MPO: variants seen among roughly 807,000 people sequenced by gnomAD.
MPO encodes the protein myeloperoxidase.
A neutral mutation model predicts 69.4 loss-of-function variants in MPO; 57 were observed. That is an observed-to-expected ratio of 0.82 (90% CI 0.66 to 1.02). MPO has a LOEUF of 1.02. Ranked by LOEUF, MPO falls within the 50% of genes least tolerant of loss-of-function variation. MPO has a pLI of 0.00. For missense variants in MPO, 971 were observed against 1,014.1 expected (o/e 0.96, Z 0.58); for synonymous variants, 426 against 417.1 (o/e 1.02, Z -0.26).
intron 9 of MPO, 102 bp from the exon 10 acceptor site, chr17:58,273,020 A>G: frequency 6.9e-7 from 1 of 1,455,672 alleles, no homozygotes. Flanking sequence ...GGATTCGAGA[A>G]GAGGGCTGGG....
At chr17:58,278,194 G>T in intron 6 of MPO, 49 bp from the exon 7 acceptor site, 1 of 1,589,252 alleles carries the variant, frequency 6.3e-7, no homozygotes, top group Non-Finnish European at 8.5e-7. Context: ...CAAGGAAGGT[G>T]CCCAGGCAGA....
At chr17:58,273,759 G>C in intron 8 of MPO, 90 bp from the exon 9 acceptor site, 1 of 1,593,694 alleles carries the variant, frequency 6.3e-7, no homozygotes, top group Admixed American at 1.7e-5. Flanking sequence ...GTCTCTGCCT[G>C]CTCTTGGCTT....
At chr17:58,280,553 T>C in intron 1 of MPO, 52 bp downstream of exon 1, 1 of 1,614,134 alleles carries the variant, frequency 6.2e-7, no homozygotes, top group Non-Finnish European at 8.5e-7. Context: ...AAGGGGTCTC[T>C]GGAACACAAC....
intron 8 of MPO, among the ~76,000 whole-genome samples, chr17:58,274,688 C>A (rs1334787953): frequency 6.6e-6 from 1 of 151,380 alleles, no homozygotes; most frequent in Non-Finnish European, 1.5e-5. Flanking sequence ...GGCGTGGTGG[C>A]CCGTGCTTGA....
At position 58,279,354 on chromosome 17, in the gene MPO, G is replaced by A. The variant is rs766591572; in HGVS notation, c.621C>T (p.Phe207=). The A allele has an allele frequency of 3.0e-5, 47 of 1,588,020 alleles. No individual in the cohort carries two copies. In the African/African-American group the frequency reaches 5.8e-4, roughly 19 times the overall value. ...RWLPAEYEDG[F]SLPYGWTPGV... ...CGGGCGTCCAGCCGTAGGGAAGAGA[G>A]AAGCCGTCCTCATACTCCGCCGGCA... Residue 207 remains phenylalanine (F), a synonymous_variant, in exon 5 of 12, where the codon TTC becomes TTT. Coordinates refer to ENST00000225275, the MANE Select transcript of MPO (RefSeq NM_000250.2).
chr17:58,271,981 A>T lies in MPO; in HGVS notation c.1793-89T>A, dbSNP rs1241185637. The stretch of plus-strand genomic sequence containing the variant: ...TGGAGACAGCAGGGAAGATTCACAT[A>T]TCGCCAGCAGCCCAGAAAACCCACC... On this transcript the variant is annotated intron_variant, in intron 10 of 11. Transcript: ENST00000225275. 8 of 1,406,528 alleles carry T rather than the reference A, an allele frequency of 5.7e-6. No homozygotes were observed. The Admixed American group carries it at 1.2e-4, about 22-fold the overall frequency. The allele number at this position is 1,406,528 out of a possible 1,614,324, so 87.1% of individuals were successfully genotyped here.
chr17:58,278,097 A>G lies in MPO; in HGVS notation c.934T>C (p.Phe312Leu). The G allele has an allele frequency of 6.2e-7, 1 of 1,608,092 alleles. No homozygotes were observed. Residue 312 changes from phenylalanine (F) to leucine (L), a missense_variant, in exon 7 of 12, where the codon TTC becomes CTC. Transcript: ENST00000225275. ...GGGCAAGCCGGGCAGGAGCGGAAGA[A>G]CGGGATGCAGTCGGCTTGGTTCTTG... ...RIKNQADCIPFFRSCPACPGS... is the reference protein window; with the variant it reads ...RIKNQADCIPLFRSCPACPGS...
Position 58,270,611 on chromosome 17 carries a change from C to A in MPO, c.*45G>T. On this transcript the variant is annotated 3_prime_UTR_variant, in exon 12 of 12. Coordinates refer to ENST00000225275, the MANE Select transcript of MPO (RefSeq NM_000250.2). The surrounding 1 kb of genome is among the most constrained non-coding windows in gnomAD (Gnocchi z 4.1). ...AGGAGATCTCCGTGGTTCCAACTGG[C>A]CAGCCCAGATATACCCCTCACTGCT... is the stretch of plus-strand genomic sequence containing the variant. 1 of 1,523,064 alleles carries A rather than the reference C, an allele frequency of 6.6e-7. No homozygotes were observed. The highest frequency in any genetic ancestry group is 9.0e-7 in the Non-Finnish European group (1 of 1,116,734). 94.3% of individuals were successfully genotyped at this position (1,523,064 alleles called of 1,614,324 possible).
At position 58,279,026 on chromosome 17, in the gene MPO, C is replaced by G; in HGVS notation, c.867G>C (p.Pro289=). The change falls in exon 6 of 12, where the codon CCG becomes CCC. Residue 289 remains proline (P), a synonymous_variant. Transcript: ENST00000225275. ...GGGCCACCTTGAGCGGGAAGCAGGG[C>G]GGCTGCTGAACGCAGCTGGTCTCGC... The part of the protein sequence containing the change: ...VNCETSCVQQ[P]PCFPLKIPPN... The G allele has an allele frequency of 1.9e-6, 3 of 1,610,628 alleles. No homozygotes were observed. The highest frequency in any genetic ancestry group is 2.5e-6 in the Non-Finnish European group (3 of 1,179,250).
Position 58,273,659 on chromosome 17 carries a change from T to C in MPO, c.1376A>G (p.Tyr459Cys). Residue 459 changes from tyrosine (Y) to cysteine (C), a missense_variant, in exon 9 of 12, where the codon TAC becomes TGC. Tyr to Cys is a radical substitution (Grantham distance 194). Coordinates refer to ENST00000225275, the MANE Select transcript of MPO (RefSeq NM_000250.2). ...IVGAMVQIIT[Y>C]RDYLPLVLGP... Reference sequence around the variant, plus strand: ...CAGCACCAGGGGCAGGTAGTCCCGGTAAGTGATGATCTAAAGACAAGTCAT... The same window carrying C: ...CAGCACCAGGGGCAGGTAGTCCCGGCAAGTGATGATCTAAAGACAAGTCAT... The C allele has an allele frequency of 6.2e-7, 1 of 1,614,182 alleles. No homozygotes were observed. Among genetic ancestry groups the C allele is most frequent in the Non-Finnish European group, 8.5e-7 (1 of 1,180,024 alleles).
intron 6 of MPO, among the ~76,000 whole-genome samples, chr17:58,278,349 A>C (rs1370168901): frequency 6.6e-6 from 1 of 152,044 alleles, no homozygotes; most frequent in African/African-American, 2.4e-5. Context: ...TGAACTGGGA[A>C]CCTGGGCAAC....
chr17:58,280,125 A>T lies in MPO; in HGVS notation c.249-111T>A, dbSNP rs574458701. Reference sequence around the variant, plus strand: ...CCATGCAGGCAGGCCCACGGGTGGGAGGAAGGCTTCCTTTTATAAAAAGGA... The same window carrying T: ...CCATGCAGGCAGGCCCACGGGTGGGTGGAAGGCTTCCTTTTATAAAAAGGA... On this transcript the variant is annotated intron_variant, in intron 2 of 11. Transcript: ENST00000225275. The T allele has an allele frequency of 7.1e-6, 10 of 1,410,786 alleles. No homozygotes were observed. The South Asian group carries it at 1.1e-4, about 15-fold the overall frequency. 87.4% of individuals were successfully genotyped at this position (1,410,786 alleles called of 1,614,324 possible).
At position 58,277,847 on chromosome 17, in the gene MPO, C is replaced by A. The variant is rs751085946; in HGVS notation, c.1184G>T (p.Arg395Leu). The A allele has an allele frequency of 8.7e-6, 14 of 1,604,880 alleles. No individual in the cohort carries two copies. The highest frequency in any genetic ancestry group is 1.7e-5 in the Admixed American group (1 of 60,012). The change falls in exon 7 of 12, where the codon CGC (arginine) becomes CTC (leucine). Residue 395 changes from arginine (R) to leucine (L), a missense_variant. Transcript: ENST00000225275. ...DPCLLTNRSA[R>L]IPCFLAGDTR... Reference sequence around the variant, plus strand: ...CTGACCTGCCAGGAAGCAGGGGATGCGCGCTGAGCGGTTGGTGAGGAGACA... The same window carrying A: ...CTGACCTGCCAGGAAGCAGGGGATGAGCGCTGAGCGGTTGGTGAGGAGACA...
intron 8 of MPO, among the ~76,000 whole-genome samples, chr17:58,274,384 G>A (rs977879665): frequency 2.7e-5 from 4 of 148,270 alleles, no homozygotes; most frequent in African/African-American, 1.0e-4. Context: ...GTGTGTGTGT[G>A]AGTGTGTGTA....
intron 9 of MPO, 60 bp from the exon 10 acceptor site, chr17:58,272,978 G>A: frequency 6.3e-7 from 1 of 1,596,596 alleles, no homozygotes; most frequent in South Asian, 1.1e-5. Flanking sequence ...AGCTCAGATT[G>A]GAGTCAGGGA....
chr17:58,278,238 AC>A, intron 6 of MPO, 93 bp from the exon 7 acceptor site: 1 of 1,443,650 alleles, frequency 6.9e-7, no homozygotes, highest in Non-Finnish European at 9.4e-7. Flanking sequence ...GACCTCTGGT[AC>A]CCTCAACCTG....
In MPO at chr17:58,280,367, T is replaced by A; in HGVS notation, c.247A>T (p.Ser83Cys). 5 of 1,613,878 alleles carry A rather than the reference T, an allele frequency of 3.1e-6. No individual in the cohort carries two copies. Among genetic ancestry groups the A allele is most frequent in the Non-Finnish European group, 3.4e-6 (4 of 1,179,852 alleles). The change falls in exon 2 of 12, where the codon AGC (serine) becomes TGC (cysteine). Residue 83 changes from serine (S) to cysteine (C), a missense_variant and splice_region_variant. By Grantham distance (112) the Ser-to-Cys change is moderately radical. Coordinates refer to ENST00000225275, the MANE Select transcript of MPO (RefSeq NM_000250.2). ...GCTGGGCAGTGCCTCGTGCCCCACC[T>A]TTCCCGCCGCTCCTTGTAGGCCTTG... ...VDKAYKERRE[S>C]IKQRLRSGSA...
intron 1 of MPO, 64 bp downstream of exon 1, chr17:58,280,541 A>G (rs1970505271): frequency 8.1e-6 from 13 of 1,613,852 alleles, no homozygotes; most frequent in Middle Eastern, 1.6e-4. Context: ...CTGCTCTGAG[A>G]AAAGGGGTCT....
intron 3 of MPO, 64 bp from the exon 4 acceptor site, chr17:58,279,710 G>T: frequency 6.2e-7 from 1 of 1,613,788 alleles, no homozygotes; most frequent in Non-Finnish European, 8.5e-7. Context: ...GCAACCTGAG[G>T]CTGAGGAGCC....
Sources: allele counts gnomAD v4.1 joint callset (sites outside exome capture counted in the v4.1 genomes callset), GRCh38; gene constraint gnomAD v4.1.1; non-coding constraint Gnocchi (gnomAD v3.1); transcripts MANE v1.5; gene names NCBI Gene and HGNC (gene_info 2026-07-23, HGNC 2026-07-21).